The following LMNA variants were observed in gnomAD, a reference collection of about 807,000 sequenced individuals.
The protein encoded by LMNA is lamin A/C.
Under a neutral mutation model 70.4 loss-of-function variants are expected in LMNA, and 20 were observed. The observed-to-expected ratio is 0.28, with a 90% CI of 0.20 to 0.41. The LOEUF (loss-of-function observed/expected upper bound fraction) is 0.41. Among genes scored for constraint, LMNA ranks in the 10% least tolerant of loss-of-function variants. The probability of loss-of-function intolerance (pLI) is 1.00; values close to 1 mark genes in which losing one functional copy is unlikely to be tolerated. For missense variants in LMNA, 652 were observed against 917.2 expected, an observed-to-expected ratio of 0.71 and a Z score of 3.73; for synonymous variants, 339 against 372.8, an observed-to-expected ratio of 0.91 and a Z score of 1.04.
intron 3 of LMNA, among the ~76,000 whole-genome samples, chr1:156,097,464 G>T (rs1361889046): frequency 6.6e-6 from 1 of 152,256 alleles, no homozygotes; most frequent in African/African-American, 2.4e-5. Flanking sequence ...CGCCGTACAT[G>T]CACATATCAC....
intron 1 of LMNA, among the ~76,000 whole-genome samples, chr1:156,116,762 C>T (rs892385808): frequency 3.3e-5 from 5 of 151,972 alleles, no homozygotes; most frequent in Admixed American, 1.3e-4. Flanking sequence ...TGGGGTTTCT[C>T]CATGTTCGTC....
Position 156,114,929 on chromosome 1 carries a change from C to T in LMNA, c.11C>T (p.Pro4Leu), listed in dbSNP as rs267607620. The change falls in exon 1 of 12, where the codon CCG becomes CTG. Residue 4 changes from proline (P) to leucine (L), a missense_variant. Coordinates refer to ENST00000368300, the MANE Select transcript of LMNA (RefSeq NM_170707.4). METPSQRRATRSGA... is the reference protein window; with the variant it reads METLSQRRATRSGA... ...GCCAACCTGCCGGCCATGGAGACCC[C>T]GTCCCAGCGGCGCGCCACCCGCAGC... 1 of 1,557,750 alleles carries T rather than the reference C, an allele frequency of 6.4e-7. No homozygotes were observed. Among genetic ancestry groups the T allele is most frequent in the Admixed American group, 1.9e-5 (1 of 53,362 alleles).
In LMNA at chr1:156,134,883, C is replaced by T. The variant is rs775964460; in HGVS notation, c.718C>T (p.Arg240Trp). Residue 240 changes from arginine (R) to tryptophan (W), a missense_variant, in exon 4 of 12, where the codon CGG becomes TGG. Coordinates refer to ENST00000368300, the MANE Select transcript of LMNA (RefSeq NM_170707.4). The surrounding 1 kb of genome is among the most constrained non-coding windows in gnomAD (Gnocchi z 5.3). Reference sequence around the variant, plus strand: ...TGGGAAGCAGCGTGAGTTTGAGAGCCGGCTGGCGGATGCGCTGCAGGAACT... The same window carrying T: ...TGGGAAGCAGCGTGAGTTTGAGAGCTGGCTGGCGGATGCGCTGCAGGAACT... ...DNGKQREFES[R>W]LADALQELRA... 4 of 1,614,186 alleles carry T rather than the reference C, an allele frequency of 2.5e-6. No homozygotes were observed. The highest frequency in any genetic ancestry group is 1.1e-5 in the South Asian group (1 of 91,080).
chr1:156,136,162 C>T lies in LMNA; in HGVS notation c.1157+41C>T. On this transcript the variant is annotated intron_variant, in intron 6 of 11. Coordinates refer to ENST00000368300, the MANE Select transcript of LMNA (RefSeq NM_170707.4). The surrounding 1 kb of genome is among the most constrained non-coding windows in gnomAD (Gnocchi z 6.1). ...GTCGGGGAGGTGCTGGCAGTGTCCT[C>T]TGGCCGGCAACTGGCCTTGACTAGA... 1 of 1,613,056 alleles carries T rather than the reference C, an allele frequency of 6.2e-7. No individual in the cohort carries two copies. Among genetic ancestry groups the T allele is most frequent in the South Asian group, 1.1e-5 (1 of 91,064 alleles).
intron 1 of LMNA, among the ~76,000 whole-genome samples, chr1:156,117,969 A>ATTT (rs1186679791): frequency 4.6e-4 from 42 of 91,908 alleles, no homozygotes; most frequent in African/African-American, 1.7e-3. Flanking sequence ...CGCTTGGCTA[A>ATTT]TTTTTTTTTT....
intron 2 of LMNA, among the ~76,000 whole-genome samples, chr1:156,084,192 A>G (rs1346104150): frequency 1.3e-5 from 2 of 152,158 alleles, no homozygotes; most frequent in Admixed American, 6.5e-5. Context: ...AAACAGATGA[A>G]TTGACTTCAC....
Position 156,137,214 on chromosome 1 carries a change from C to T in LMNA, c.1590C>T (p.Leu530=), listed in dbSNP as rs747338820. The change falls in exon 9 of 12, where the codon CTC becomes CTT. Residue 530 remains leucine, a synonymous_variant. Coordinates refer to ENST00000368300, the MANE Select transcript of LMNA (RefSeq NM_170707.4). The surrounding 1 kb of genome is among the most constrained non-coding windows in gnomAD (Gnocchi z 4.6). ...WGCGNSLRTA[L]INSTGEEVAM... ...GCGGGAACAGCCTGCGTACGGCTCT[C>T]ATCAACTCCACTGGGGAAGTAAGTA... is the stretch of plus-strand genomic sequence containing the variant. The T allele has an allele frequency of 1.9e-6, 3 of 1,590,948 alleles. No individual in the cohort carries two copies. The South Asian group carries it at 3.4e-5, about 18-fold the overall frequency.
intron 2 of LMNA, among the ~76,000 whole-genome samples, chr1:156,087,725 A>G (rs1263496509): frequency 6.6e-6 from 1 of 150,486 alleles, no homozygotes; most frequent in East Asian, 2.0e-4. Flanking sequence ...GCCAATTTTT[A>G]AATTTTTTGT....
Position 156,136,729 on chromosome 1 carries a change from G to C in LMNA, c.1381-192G>C. 26 of 690,748 alleles carry C rather than the reference G, an allele frequency of 3.8e-5. No individual in the cohort carries two copies. The South Asian group carries it at 4.1e-4, about 11-fold the overall frequency. 42.8% of individuals were successfully genotyped at this position (690,748 alleles called of 1,614,324 possible). A position where few individuals can be genotyped will look rare whatever the true frequency, so the allele number is the denominator to read the frequency against. ...CAGGAAGATGAAAGATAAGGTATCCGTGTGCCTGGTGCTGCGTATGTGTCC... is the reference window on the plus strand; with the variant it reads ...CAGGAAGATGAAAGATAAGGTATCCCTGTGCCTGGTGCTGCGTATGTGTCC... On this transcript the variant is annotated intron_variant, in intron 7 of 11. Coordinates refer to ENST00000368300, the MANE Select transcript of LMNA (RefSeq NM_170707.4). This position sits in a 1 kb window ranked among gnomAD's most constrained non-coding sequence, Gnocchi z 6.1.
In LMNA at chr1:156,136,186, G is replaced by T; in HGVS notation, c.1158-28G>T. ...TCTGGCCGGCAACTGGCCTTGACTA[G>T]ACCCCCACTTGGTCTCCCTCTCCCC... On this transcript the variant is annotated intron_variant, in intron 6 of 11. Coordinates refer to ENST00000368300, the MANE Select transcript of LMNA (RefSeq NM_170707.4). This position sits in a 1 kb window ranked among gnomAD's most constrained non-coding sequence, Gnocchi z 6.1. 6.2e-7 allele frequency: 1 copy of T among 1,612,818 alleles called. No homozygotes were observed. Among genetic ancestry groups the T allele is most frequent in the South Asian group, 1.1e-5 (1 of 91,068 alleles).
Position 156,135,477 on chromosome 1 carries a change from G to A in LMNA, c.936+165G>A. On this transcript the variant is annotated intron_variant, in intron 5 of 11. Transcript: ENST00000368300. This position sits in a 1 kb window ranked among gnomAD's most constrained non-coding sequence, Gnocchi z 4.8. ...AGAAGGGTCGCAGGATGTGGAGTCA[G>A]ATGGCCTGTGTGCTGTTTCTGTACA... 1 of 868,736 alleles carries A rather than the reference G, an allele frequency of 1.2e-6. No individual in the cohort carries two copies. The highest frequency in any genetic ancestry group is 3.3e-4 in the Middle Eastern group (1 of 3,072). The allele number at this position is 868,736 out of a possible 1,614,324, so 53.8% of individuals were successfully genotyped here.
In LMNA at chr1:156,115,663, G is replaced by A. The variant is rs1486655610; in HGVS notation, c.356+389G>A. On this transcript the variant is annotated intron_variant, in intron 1 of 11. Transcript: ENST00000368300. The surrounding 1 kb of genome is among the most constrained non-coding windows in gnomAD (Gnocchi z 5.8). Reference sequence around the variant, plus strand: ...GAACTCTGGGCACCCAGGACACATCGGAGTGGCAGAAAGGGTCCTGTTAGA... The same window carrying A: ...GAACTCTGGGCACCCAGGACACATCAGAGTGGCAGAAAGGGTCCTGTTAGA... Among the ~76,000 whole-genome samples the A allele has an allele frequency of 2.0e-5, 3 of 152,242 alleles. No individual in the cohort carries two copies. The highest frequency in any genetic ancestry group is 7.2e-5 in the African/African-American group (3 of 41,456).
rs1473070148 is a variant in LMNA, at chr1:156,138,963, G to A, written c.1969-117G>A. On this transcript the variant is annotated intron_variant, in intron 11 of 11. Transcript: ENST00000368300. The surrounding 1 kb of genome is among the most constrained non-coding windows in gnomAD (Gnocchi z 5.5). The stretch of plus-strand genomic sequence containing the variant: ...CTGAGCCCCAGACTGGAGGGCAGGG[G>A]CAGGGCTGGAGTGTGAGGGATGGGG... 5.2e-6 allele frequency: 7 copies of A among 1,342,346 alleles called. No homozygotes were observed. In the East Asian group the frequency reaches 6.9e-5, roughly 13 times the overall value. The allele number at this position is 1,342,346 out of a possible 1,614,324, so 83.2% of individuals were successfully genotyped here. A position where few individuals can be genotyped will look rare whatever the true frequency, so the allele number is the denominator to read the frequency against.
At chr1:156,084,335 T>TGGGGGGGGGGG (rs1491154815) in intron 2 of LMNA, among the ~76,000 whole-genome samples, 1 of 91,638 alleles carries the variant, frequency 1.1e-5, no homozygotes, top group South Asian at 3.5e-4. Context: ...GGTCGGGGGG[T>TGGGGGGGGGGG]GGTGGGGGCA....
At chr1:156,094,431 C>T (rs150774822) in intron 3 of LMNA, among the ~76,000 whole-genome samples, 90 of 150,806 alleles carry the variant, frequency 6.0e-4, no homozygotes, top group Non-Finnish European at 9.0e-4. Context: ...CTCTGCCTCC[C>T]GGGTTCAAGT....
At chr1:156,085,847 C>T (rs775045782) in intron 2 of LMNA, among the ~76,000 whole-genome samples, 1 of 152,084 alleles carries the variant, frequency 6.6e-6, no homozygotes, top group African/African-American at 2.4e-5. Flanking sequence ...CTTGAGGCCA[C>T]GAGTTCCAGA....
chr1:156,082,952 G>C (rs550755089), exon 2 of LMNA: 7 of 151,894 alleles, frequency 4.6e-5, no homozygotes, highest in African/African-American at 1.7e-4. Context: ...TCCCAGAGTC[G>C]ATCCCGGAGC....
rs886038995 is a variant in LMNA at position 156,137,682 on chromosome 1, C to T, written c.1637C>T (p.Ser546Leu). The change falls in exon 10 of 12, where the codon TCA becomes TTA. Residue 546 changes from serine (S) to leucine (L), a missense_variant. Ser to Leu is a moderately radical substitution (Grantham distance 145, BLOSUM62 -2). Coordinates refer to ENST00000368300, the MANE Select transcript of LMNA (RefSeq NM_170707.4). The surrounding 1 kb of genome is among the most constrained non-coding windows in gnomAD (Gnocchi z 4.6). ...EEVAMRKLVRSVTVVEDDEDE... is the reference protein window; with the variant it reads ...EEVAMRKLVRLVTVVEDDEDE... ...GTGGCCATGCGCAAGCTGGTGCGCT[C>T]AGTGACTGTGGTTGAGGACGACGAG... 6.4e-7 allele frequency: 1 copy of T among 1,556,050 alleles called. No homozygotes were observed. The highest frequency in any genetic ancestry group is 1.4e-5 in the African/African-American group (1 of 73,726).
intron 1 of LMNA, among the ~76,000 whole-genome samples, chr1:156,117,995 G>A (rs1041724308): frequency 3.7e-5 from 2 of 54,008 alleles, no homozygotes; most frequent in Non-Finnish European, 8.3e-5. Flanking sequence ...TTTTTTTTTT[G>A]CTTTTTGTTT....
Sources: allele counts gnomAD v4.1 joint callset (sites outside exome capture counted in the v4.1 genomes callset), GRCh38; gene constraint gnomAD v4.1.1; non-coding constraint Gnocchi (gnomAD v3.1); transcripts MANE v1.5; gene names NCBI Gene and HGNC (gene_info 2026-07-23, HGNC 2026-07-21).